TBC1D1: variants seen among roughly 807,000 people sequenced by gnomAD.
The protein encoded by TBC1D1 is TBC1 (tre-2/USP6, BUB2, cdc16) domain family, member 1.
A neutral mutation model predicts 125.6 loss-of-function variants in TBC1D1; 89 were observed. The observed-to-expected ratio is 0.71, with a 90% CI of 0.60 to 0.85. TBC1D1 has a LOEUF of 0.85. Among genes scored for constraint, TBC1D1 ranks in the 40% least tolerant of loss-of-function variants. The pLI is 0.00. For missense variants in TBC1D1, 1,377 were observed against 1,469.2 expected, an observed-to-expected ratio of 0.94 and a Z score of 1.03; for synonymous variants, 565 against 564.1, an observed-to-expected ratio of 1.00 and a Z score of -0.02.
intron 12 of TBC1D1, among the ~76,000 whole-genome samples, chr4:38,080,455 C>A (rs1184714415): frequency 6.6e-6 from 1 of 152,222 alleles, no homozygotes; most frequent in African/African-American, 2.4e-5. Context: ...AGGCCCTTTT[C>A]CTTCTGACCA....
At chr4:38,108,364 C>T (rs1025778922) in intron 15 of TBC1D1, among the ~76,000 whole-genome samples, 2 of 152,238 alleles carry the variant, frequency 1.3e-5, no homozygotes, top group African/African-American at 4.8e-5. Context: ...CGAAAGAACA[C>T]TTCAACAGGC....
At position 38,090,048 on chromosome 4, in the gene TBC1D1, C is replaced by T; in HGVS notation, c.2167C>T (p.Leu723=). The T allele has an allele frequency of 1.2e-6, 2 of 1,614,088 alleles. No homozygotes were observed. Among genetic ancestry groups the T allele is most frequent in the Non-Finnish European group, 1.7e-6 (2 of 1,179,986 alleles). ...AAGGACATCTCGTGAGCTCCGAGAG[C>T]TGTGGCAAAAGGCTATTCTTCAACA... The change falls in exon 13 of 20, where the codon CTG becomes TTG. Residue 723 remains leucine, a synonymous_variant. Transcript: ENST00000261439.
Position 38,133,119 on chromosome 4 carries a change from T to C in TBC1D1, c.3168T>C (p.Ala1056=). Residue 1056 remains alanine (A), a synonymous_variant, in exon 19 of 20, where the codon GCT becomes GCC. Transcript: ENST00000261439. Reference sequence around the variant, plus strand: ...TGGACATCGCTAAACAGTTACAAGCTTATGAAGTTGAGTACCACGTCCTTC... The same window carrying C: ...TGGACATCGCTAAACAGTTACAAGCCTATGAAGTTGAGTACCACGTCCTTC... 6.2e-7 allele frequency: 1 copy of C among 1,614,184 alleles called. No individual in the cohort carries two copies. Among genetic ancestry groups the C allele is most frequent in the East Asian group, 2.2e-5 (1 of 44,890 alleles).
At chr4:38,051,862 T>A (rs755182997) in intron 11 of TBC1D1, 37 bp from the exon 12 acceptor site, 22 of 1,536,682 alleles carry the variant, frequency 1.4e-5, no homozygotes, top group Non-Finnish European at 1.8e-5. Flanking sequence ...CCCCCTCTCC[T>A]GCTAACCCCC....
intron 2 of TBC1D1, among the ~76,000 whole-genome samples, chr4:37,979,052 T>C (rs950590758): frequency 6.6e-6 from 1 of 152,138 alleles, no homozygotes; most frequent in Non-Finnish European, 1.5e-5. Context: ...AATTTTTGTA[T>C]TTTCAGTAGA....
intron 2 of TBC1D1, among the ~76,000 whole-genome samples, chr4:37,930,402 G>A (rs1218958350): frequency 1.3e-5 from 2 of 152,106 alleles, no homozygotes; most frequent in Non-Finnish European, 2.9e-5. Context: ...GCTCATTGCA[G>A]CATCAGACTC....
chr4:38,069,355 C>T (rs1055885336), intron 12 of TBC1D1, among the ~76,000 whole-genome samples: 1 of 152,220 alleles, frequency 6.6e-6, no homozygotes, highest in African/African-American at 2.4e-5. Context: ...TAGCCCCCTA[C>T]CTGTAGGCGG....
chr4:38,109,751 A>G (rs1243919190), intron 15 of TBC1D1, among the ~76,000 whole-genome samples: 7 of 152,214 alleles, frequency 4.6e-5, no homozygotes, highest in Non-Finnish European at 1.0e-4. Flanking sequence ...TGGGAAGCAC[A>G]CGTTCTAGTG....
At chr4:38,062,358 C>G (rs559584892) in intron 12 of TBC1D1, among the ~76,000 whole-genome samples, 1 of 151,520 alleles carries the variant, frequency 6.6e-6, no homozygotes, top group Non-Finnish European at 1.5e-5. Context: ...GAATGGAGAG[C>G]TACTTTCTGA....
intron 2 of TBC1D1, among the ~76,000 whole-genome samples, chr4:37,937,088 A>G (rs1724547422): frequency 6.6e-6 from 1 of 152,230 alleles, no homozygotes; most frequent in South Asian, 2.1e-4. Flanking sequence ...TAAGGGCAAC[A>G]CGCTGGCACT....
At chr4:37,935,449 T>C (rs1188639636) in intron 2 of TBC1D1, among the ~76,000 whole-genome samples, 1 of 152,178 alleles carries the variant, frequency 6.6e-6, no homozygotes, top group Non-Finnish European at 1.5e-5. Flanking sequence ...GACTTTTTGC[T>C]CTCCTTCATC....
intron 2 of TBC1D1, among the ~76,000 whole-genome samples, chr4:37,961,304 C>A (rs1344656825): frequency 4.6e-5 from 7 of 152,136 alleles, no homozygotes; most frequent in South Asian, 2.1e-4. Flanking sequence ...AGGCCAAGAA[C>A]TTCTACATCT....
chr4:38,042,313 G>C (rs1223733637), intron 8 of TBC1D1, among the ~76,000 whole-genome samples: 2 of 151,902 alleles, frequency 1.3e-5, no homozygotes, highest in Non-Finnish European at 2.9e-5. Context: ...GGAGTGCGGT[G>C]GTGCGATGTC....
intron 2 of TBC1D1, among the ~76,000 whole-genome samples, chr4:37,961,787 A>G (rs879733669): frequency 8.5e-5 from 13 of 152,228 alleles, no homozygotes. Flanking sequence ...TGGCTATTTA[A>G]GAACCATCAA....
chr4:38,003,370 T>C (rs952888001), intron 2 of TBC1D1, among the ~76,000 whole-genome samples: 29 of 152,306 alleles, frequency 1.9e-4, no homozygotes, highest in African/African-American at 7.0e-4. Flanking sequence ...TTCATACTCA[T>C]ATTTGAGATT....
intron 2 of TBC1D1, among the ~76,000 whole-genome samples, chr4:37,932,452 A>G (rs1723456148): frequency 6.6e-6 from 1 of 152,258 alleles, no homozygotes; most frequent in Admixed American, 6.5e-5. Context: ...CAGGATGGAA[A>G]AAGACACTAG....
At chr4:38,103,726 C>G (rs929103336) in intron 15 of TBC1D1, among the ~76,000 whole-genome samples, 1 of 152,062 alleles carries the variant, frequency 6.6e-6, no homozygotes, top group Non-Finnish European at 1.5e-5. Context: ...GGGGACTCAA[C>G]CAACCTCAGA....
At chr4:37,982,948 G>C (rs539901267) in intron 2 of TBC1D1, among the ~76,000 whole-genome samples, 2 of 152,278 alleles carry the variant, frequency 1.3e-5, no homozygotes, top group South Asian at 4.1e-4. Context: ...AGGCCTGGAG[G>C]CCCCTTGGTG....
chr4:37,981,678 C>A (rs569026619), intron 2 of TBC1D1, among the ~76,000 whole-genome samples: 108 of 152,254 alleles, frequency 7.1e-4, no homozygotes, highest in African/African-American at 2.5e-3. Flanking sequence ...GGAATATATC[C>A]AGCTGGGTGC....
Sources: allele counts gnomAD v4.1 joint callset (sites outside exome capture counted in the v4.1 genomes callset), GRCh38; gene constraint gnomAD v4.1.1; transcripts MANE v1.5; gene names NCBI Gene and HGNC (gene_info 2026-07-23, HGNC 2026-07-21).